Variants in MLLT3 observed in about 807,000 individuals in gnomAD.
MLLT3 encodes MLLT3 super elongation complex subunit, also known as protein AF-9.
A neutral mutation model predicts 53.2 loss-of-function variants in MLLT3; 4 were observed. The observed-to-expected ratio is 0.08, with a 90% CI of 0.04 to 0.17. The LOEUF (loss-of-function observed/expected upper bound fraction) is 0.17, where lower values mean the gene tolerates loss of function less well. MLLT3 is among the 10% of genes least tolerant of loss of function. The pLI is 1.00. For missense variants in MLLT3, 569 were observed against 684.0 expected (o/e 0.83, Z 1.87); for synonymous variants, 283 against 230.6 (o/e 1.23, Z -2.06).
In MLLT3 at chr9:20,506,977, T is replaced by A. The variant is rs529440260; in HGVS notation, c.194-50191A>T. 3.9e-5 allele frequency among the ~76,000 whole-genome samples: 6 copies of A among 152,352 alleles called. No homozygotes were observed. The East Asian group carries it at 1.2e-3, about 29-fold the overall frequency. Reference sequence around the variant, plus strand: ...CTTAAAAACGAATCTTTCTCAAACATGTAAAATTAATTCTCTTTGTTCCAA... The same window carrying A: ...CTTAAAAACGAATCTTTCTCAAACAAGTAAAATTAATTCTCTTTGTTCCAA... On this transcript the variant is annotated intron_variant, in intron 2 of 10. Coordinates refer to ENST00000380338, the MANE Select transcript of MLLT3 (RefSeq NM_004529.4).
chr9:20,448,125 C>G lies in MLLT3; in HGVS notation c.418G>C (p.Gly140Arg). The G allele has an allele frequency of 6.2e-7, 1 of 1,612,654 alleles. No homozygotes were observed. The highest frequency in any genetic ancestry group is 8.5e-7 in the Non-Finnish European group (1 of 1,179,366). Reference sequence around the variant, plus strand: ...TTTCACAAGAGAGTGCCACTTACCCCTCCTGCCTTCAGCAACTTTCTCCTA... The same window carrying G: ...TTTCACAAGAGAGTGCCACTTACCCGTCCTGCCTTCAGCAACTTTCTCCTA... Reference protein sequence around the residue: ...DFRRKLLKAGGDPNRSIHTSS... With the variant: ...DFRRKLLKAGRDPNRSIHTSS... The change falls in exon 4 of 11, where the codon GGG (glycine) becomes CGG (arginine). Residue 140 changes from glycine to arginine, a missense_variant and splice_region_variant. Coordinates refer to ENST00000380338, the MANE Select transcript of MLLT3 (RefSeq NM_004529.4). The surrounding 1 kb of genome is among the most constrained non-coding windows in gnomAD (Gnocchi z 4.0).
chr9:20,478,942 GC>G (rs1396513631), intron 2 of MLLT3, among the ~76,000 whole-genome samples: 1 of 152,140 alleles, frequency 6.6e-6, no homozygotes, highest in East Asian at 1.9e-4. Flanking sequence ...TACAATAGCA[GC>G]TGTGGGAATG....
chr9:20,458,449 A>G (rs1824025699), intron 2 of MLLT3, among the ~76,000 whole-genome samples: 1 of 152,170 alleles, frequency 6.6e-6, no homozygotes, highest in South Asian at 2.1e-4. Flanking sequence ...CCTCTTCTAG[A>G]CAATCTGAAG....
rs562339458 is a variant in MLLT3, at chr9:20,484,995, A to AT, written c.194-28210dup. On this transcript the variant is annotated intron_variant, in intron 2 of 10. Transcript: ENST00000380338. ...AATTTTATTTTTATTTTTTTTATTT[A>AT]TTTTTTTTTTTGAGACAGAGTGTCT... Among the ~76,000 whole-genome samples the AT allele has an allele frequency of 3.9e-3, 572 of 147,032 alleles. 3 individuals carry two copies. The highest frequency in any genetic ancestry group is 0.025 in the Middle Eastern group (7 of 278).
intron 2 of MLLT3, among the ~76,000 whole-genome samples, chr9:20,565,927 TATATATATATTTATATATATATATATTTA>T (rs1819345876): frequency 1.8e-4 from 3 of 16,266 alleles, no homozygotes; most frequent in African/African-American, 2.7e-4. Context: ...TATATTTATA[TATATATATATTTATATATATATATATTTA>T]TATATATATA....
intron 2 of MLLT3, among the ~76,000 whole-genome samples, chr9:20,595,586 G>A (rs1284637745): frequency 6.6e-6 from 1 of 152,000 alleles, no homozygotes; most frequent in Non-Finnish European, 1.5e-5. Context: ...CGTTATCAAA[G>A]AAGGAAAATC....
intron 2 of MLLT3, among the ~76,000 whole-genome samples, chr9:20,567,399 T>C (rs1239483165): frequency 6.6e-6 from 1 of 151,818 alleles, no homozygotes; most frequent in Non-Finnish European, 1.5e-5. Flanking sequence ...TTTAAAAGGT[T>C]ATTAGCCTTG....
intron 2 of MLLT3, among the ~76,000 whole-genome samples, chr9:20,616,147 C>T (rs1230730555): frequency 6.6e-6 from 1 of 152,102 alleles, no homozygotes; most frequent in Non-Finnish European, 1.5e-5. Context: ...AGTTGATTTA[C>T]ATTTCAACCT....
At chr9:20,598,790 A>G (rs1157148233) in intron 2 of MLLT3, among the ~76,000 whole-genome samples, 4 of 152,262 alleles carry the variant, frequency 2.6e-5, no homozygotes, top group Non-Finnish European at 5.9e-5. Flanking sequence ...AAAGCTGTCC[A>G]GAAAACCTGG....
chr9:20,612,934 T>C (rs1156959895), intron 2 of MLLT3, among the ~76,000 whole-genome samples: 1 of 152,186 alleles, frequency 6.6e-6, no homozygotes, highest in African/African-American at 2.4e-5. Flanking sequence ...ACTCAAAATC[T>C]AGGCCTATGT....
At chr9:20,538,313 A>G (rs1320718715) in intron 2 of MLLT3, among the ~76,000 whole-genome samples, 1 of 152,244 alleles carries the variant, frequency 6.6e-6, no homozygotes, top group Non-Finnish European at 1.5e-5. Context: ...TTTTACAGAT[A>G]AGGCAATTGA....
chr9:20,574,410 G>C (rs1563824984), intron 2 of MLLT3, among the ~76,000 whole-genome samples: 1 of 152,162 alleles, frequency 6.6e-6, no homozygotes, highest in Admixed American at 6.6e-5. Flanking sequence ...ATGAGATATT[G>C]CAAGTTCATT....
intron 4 of MLLT3, among the ~76,000 whole-genome samples, chr9:20,426,348 TTCTC>T (rs1417528157): frequency 6.6e-6 from 1 of 152,166 alleles, no homozygotes; most frequent in East Asian, 1.9e-4. Flanking sequence ...CATTCCAGCC[TTCTC>T]TCTTAGTACT....
intron 4 of MLLT3, 42 bp from the exon 5 acceptor site, chr9:20,414,467 T>C (rs376264281): frequency 5.7e-5 from 91 of 1,599,202 alleles, no homozygotes; most frequent in Non-Finnish European, 6.5e-5. Flanking sequence ...CAAAACTAAA[T>C]AGCAATGAAG....
In MLLT3 at chr9:20,349,937, C is replaced by T. The variant is rs559348437; in HGVS notation, c.1576-3363G>A. Among the ~76,000 whole-genome samples, 6 of 152,310 alleles carry T rather than the reference C, an allele frequency of 3.9e-5. No homozygotes were observed. In the South Asian group the frequency reaches 1.2e-3, roughly 32 times the overall value. On this transcript the variant is annotated intron_variant, in intron 10 of 10. Coordinates refer to ENST00000380338, the MANE Select transcript of MLLT3 (RefSeq NM_004529.4). ...AGCCTTAAAGTAGTAGCAGTGGCAG[C>T]AGCTGGGGAGTTGGGAATTATTTGC... is the stretch of plus-strand genomic sequence containing the variant.
chr9:20,484,119 G>C (rs1824743801), intron 2 of MLLT3, among the ~76,000 whole-genome samples: 1 of 152,028 alleles, frequency 6.6e-6, no homozygotes, highest in African/African-American at 2.4e-5. Flanking sequence ...AACTACAGGT[G>C]ATTAATTATT....
chr9:20,493,422 G>A (rs1361242842), intron 2 of MLLT3, among the ~76,000 whole-genome samples: 1 of 151,914 alleles, frequency 6.6e-6, no homozygotes, highest in East Asian at 1.9e-4. Flanking sequence ...TAACACTCAG[G>A]AAGGGTTAGT....
At chr9:20,429,017 G>A (rs1022344588) in intron 4 of MLLT3, among the ~76,000 whole-genome samples, 6 of 152,124 alleles carry the variant, frequency 3.9e-5, no homozygotes, top group African/African-American at 1.4e-4. Context: ...CAGGGTTTTA[G>A]AAGCAAGTTC....
chr9:20,402,820 C>T (rs1265936504), intron 5 of MLLT3, among the ~76,000 whole-genome samples: 1 of 152,132 alleles, frequency 6.6e-6, no homozygotes, highest in East Asian at 1.9e-4. Context: ...TTAGACAAGA[C>T]ATGAAGCACT....
Sources: allele counts gnomAD v4.1 joint callset (sites outside exome capture counted in the v4.1 genomes callset), GRCh38; gene constraint gnomAD v4.1.1; non-coding constraint Gnocchi (gnomAD v3.1); transcripts MANE v1.5; gene names NCBI Gene and HGNC (gene_info 2026-07-23, HGNC 2026-07-21).